The following APP variants were observed in gnomAD, a reference collection of about 807,000 sequenced individuals.
APP encodes the protein amyloid-beta precursor protein.
Under a neutral mutation model 101.4 loss-of-function variants are expected in APP, and 31 were observed. The observed-to-expected ratio is 0.31, with a 90% CI of 0.23 to 0.41. The LOEUF is 0.41. APP is among the 10% of genes least tolerant of loss of function. The pLI is 1.00. For synonymous variants in APP, 366 were observed against 364.4 expected, an observed-to-expected ratio of 1.00 and a Z score of -0.05; for missense variants, 839 against 1,003.7, an observed-to-expected ratio of 0.84 and a Z score of 2.22.
intron 13 of APP, among the ~76,000 whole-genome samples, chr21:25,938,774 A>G (rs967595745): frequency 2.6e-5 from 4 of 152,170 alleles, no homozygotes; most frequent in Non-Finnish European, 4.4e-5. Context: ...TACTTTTCTC[A>G]GTCTACTGGC....
At chr21:26,120,003 C>T (rs1161626930) in intron 1 of APP, among the ~76,000 whole-genome samples, 1 of 152,154 alleles carries the variant, frequency 6.6e-6, no homozygotes, top group Non-Finnish European at 1.5e-5. Context: ...ATTTTTGGTA[C>T]AAGAGATATT....
chr21:25,972,820 T>C (rs1479373761), intron 11 of APP, among the ~76,000 whole-genome samples: 1 of 151,908 alleles, frequency 6.6e-6, no homozygotes, highest in Admixed American at 6.6e-5. Flanking sequence ...GTTTTTTTTT[T>C]AAATTTACAA....
At chr21:26,001,984 C>T (rs1045317545) in intron 6 of APP, among the ~76,000 whole-genome samples, 2 of 152,188 alleles carry the variant, frequency 1.3e-5, no homozygotes, top group East Asian at 1.9e-4. Context: ...AATAAAATTG[C>T]GAAGTAGATG....
At chr21:25,901,843 ACCTGGTTT>A in intron 15 of APP, among the ~76,000 whole-genome samples, 1 of 151,772 alleles carries the variant, frequency 6.6e-6, no homozygotes, top group Non-Finnish European at 1.5e-5. Context: ...CGGGTCAAGG[ACCTGGTTT>A]CCCTTTATTT....
At position 26,080,800 on chromosome 21, in the gene APP, C is replaced by T. The variant is rs113461205; in HGVS notation, c.355+9143G>A. Among the ~76,000 whole-genome samples, 713 of 151,522 alleles carry T rather than the reference C, an allele frequency of 4.7e-3. 6 individuals are homozygous for T. Among genetic ancestry groups the T allele is most frequent in the African/African-American group, 0.016 (679 of 41,316 alleles). Reference sequence around the variant, plus strand: ...AAAAAAAAAAGAAAAAAAAATCCTGCTTTCCAAAGATTACTGGTATCTTTT... The same window carrying T: ...AAAAAAAAAAGAAAAAAAAATCCTGTTTTCCAAAGATTACTGGTATCTTTT... On this transcript the variant is annotated intron_variant, in intron 3 of 17. Transcript: ENST00000346798.
chr21:26,140,480 A>C (rs969210846), intron 1 of APP: 5 of 752,540 alleles, frequency 6.6e-6, no homozygotes, highest in African/African-American at 1.8e-5. Context: ...AGAGTAAATC[A>C]ATTTCCTTTT....
chr21:26,059,362 G>C (rs2046174240), intron 3 of APP, among the ~76,000 whole-genome samples: 1 of 152,198 alleles, frequency 6.6e-6, no homozygotes, highest in Admixed American at 6.5e-5. Context: ...CATCTCTCAA[G>C]AGGTAAAGAT....
intron 3 of APP, among the ~76,000 whole-genome samples, chr21:26,074,675 C>T (rs1397221594): frequency 6.6e-6 from 1 of 151,912 alleles, no homozygotes; most frequent in Non-Finnish European, 1.5e-5. Context: ...CGCTTGAACC[C>T]GGGAGGCGGA....
intron 6 of APP, among the ~76,000 whole-genome samples, chr21:26,020,993 T>C (rs139314055): frequency 6.6e-6 from 1 of 150,748 alleles, no homozygotes; most frequent in East Asian, 2.0e-4. Flanking sequence ...AAACTCAACA[T>C]AAATCACCTC....
At chr21:25,933,000 AG>A (rs2040212564) in intron 13 of APP, among the ~76,000 whole-genome samples, 1 of 152,246 alleles carries the variant, frequency 6.6e-6, no homozygotes, top group African/African-American at 2.4e-5. Context: ...GATACATAAT[AG>A]ATGTGCATAT....
At chr21:25,895,151 G>T (rs1179216234) in intron 16 of APP, among the ~76,000 whole-genome samples, 3 of 150,072 alleles carry the variant, frequency 2.0e-5, no homozygotes, top group Admixed American at 6.7e-5. Flanking sequence ...ACATGTAACA[G>T]ACTAGAGTAT....
chr21:26,096,962 A>G (rs1359262939), intron 2 of APP, among the ~76,000 whole-genome samples: 1 of 152,184 alleles, frequency 6.6e-6, no homozygotes, highest in Non-Finnish European at 1.5e-5. Flanking sequence ...ACCGGATCTG[A>G]CAGGGCCTGC....
intron 1 of APP, among the ~76,000 whole-genome samples, chr21:26,166,506 C>T (rs2063613666): frequency 6.6e-6 from 1 of 152,102 alleles, no homozygotes; most frequent in African/African-American, 2.4e-5. Context: ...AAGCCAATCT[C>T]CTCTGTTCAA....
At chr21:26,012,650 C>T (rs552282720) in intron 6 of APP, among the ~76,000 whole-genome samples, 2 of 152,334 alleles carry the variant, frequency 1.3e-5, no homozygotes, top group South Asian at 4.1e-4. Flanking sequence ...AGGAATCTGA[C>T]TGTACTTAAT....
At chr21:26,059,415 G>A (rs1368480237) in intron 3 of APP, among the ~76,000 whole-genome samples, 5 of 152,256 alleles carry the variant, frequency 3.3e-5, no homozygotes, top group East Asian at 3.9e-4. Context: ...TGTAATTACT[G>A]TAAAATGCCA....
chr21:25,917,916 T>C (rs918030804), intron 13 of APP, among the ~76,000 whole-genome samples: 14 of 133,218 alleles, frequency 1.1e-4, no homozygotes, highest in South Asian at 2.3e-4. Context: ...AACAAACATA[T>C]GAAAAAAAAA....
intron 13 of APP, among the ~76,000 whole-genome samples, chr21:25,951,180 T>C (rs2041060417): frequency 6.6e-6 from 1 of 152,200 alleles, no homozygotes; most frequent in Admixed American, 6.5e-5. Flanking sequence ...AACCCTATGC[T>C]CTGGTCACAG....
intron 14 of APP, among the ~76,000 whole-genome samples, chr21:25,905,492 C>A (rs1229855129): frequency 6.6e-6 from 1 of 152,208 alleles, no homozygotes; most frequent in Non-Finnish European, 1.5e-5. Context: ...TCTTATTTTA[C>A]AGTTAATTAA....
At chr21:26,000,358 C>T (rs1050045516) in intron 6 of APP, among the ~76,000 whole-genome samples, 176 bp from the exon 7 acceptor site, 3 of 152,204 alleles carry the variant, frequency 2.0e-5, no homozygotes, top group African/African-American at 7.2e-5. Context: ...TAGAGATTTA[C>T]ACCTCTCAGA....
Sources: allele counts gnomAD v4.1 joint callset (sites outside exome capture counted in the v4.1 genomes callset), GRCh38; gene constraint gnomAD v4.1.1; transcripts MANE v1.5; gene names NCBI Gene and HGNC (gene_info 2026-07-23, HGNC 2026-07-21).